GLIS3: variants seen among roughly 807,000 people sequenced by gnomAD.
The protein encoded by GLIS3 is GLIS family zinc finger 3.
A neutral mutation model predicts 78.6 loss-of-function variants in GLIS3; 53 were observed. The observed-to-expected ratio is 0.67, with a 90% CI of 0.54 to 0.85. The LOEUF (loss-of-function observed/expected upper bound fraction) is 0.85. Ranked by LOEUF, GLIS3 falls within the 40% of genes least tolerant of loss-of-function variation. The pLI is 0.00. For missense variants in GLIS3, 1,703 were observed against 1,231.1 expected, an observed-to-expected ratio of 1.38 and a Z score of -5.74; for synonymous variants, 684 against 509.9, an observed-to-expected ratio of 1.34 and a Z score of -4.60.
chr9:4,159,391 G>A (rs1229066200), intron 2 of GLIS3, among the ~76,000 whole-genome samples: 2 of 152,178 alleles, frequency 1.3e-5, no homozygotes, highest in South Asian at 2.1e-4. Context: ...CTCAATGCTG[G>A]AGAAGGTACT....
chr9:4,172,950 G>C (rs1200278941), intron 2 of GLIS3, among the ~76,000 whole-genome samples: 1 of 152,274 alleles, frequency 6.6e-6, no homozygotes, highest in Admixed American at 6.5e-5. Context: ...GATTTTCCGA[G>C]AAAAGCCAAA....
intron 4 of GLIS3, among the ~76,000 whole-genome samples, chr9:4,025,409 G>A (rs1284121580): frequency 1.3e-5 from 2 of 152,056 alleles, no homozygotes; most frequent in East Asian, 3.9e-4. Context: ...TGTTTTTTGA[G>A]ACTGAGTCTC....
chr9:4,154,113 G>A (rs1445861047), intron 2 of GLIS3, among the ~76,000 whole-genome samples: 1 of 152,224 alleles, frequency 6.6e-6, no homozygotes, highest in Non-Finnish European at 1.5e-5. Context: ...ATGGTGGCTG[G>A]TTTCCGAGAG....
chr9:4,211,537 T>C (rs1171164477), intron 2 of GLIS3, among the ~76,000 whole-genome samples: 1 of 152,238 alleles, frequency 6.6e-6, no homozygotes, highest in Non-Finnish European at 1.5e-5. Flanking sequence ...TGGTTAAAGT[T>C]AGCCCTGAAG....
At chr9:4,249,951 G>A (rs1370603783) in intron 2 of GLIS3, among the ~76,000 whole-genome samples, 3 of 152,212 alleles carry the variant, frequency 2.0e-5, no homozygotes, top group Non-Finnish European at 2.9e-5. Flanking sequence ...AACCAGCCTT[G>A]TATCCTAGGG....
chr9:4,059,183 G>C (rs1046399903), intron 4 of GLIS3, among the ~76,000 whole-genome samples: 3 of 152,144 alleles, frequency 2.0e-5, no homozygotes, highest in Non-Finnish European at 2.9e-5. Flanking sequence ...GGCAAGTCTT[G>C]AGATCTGAGC....
At chr9:4,233,011 C>G (rs1003678755) in intron 2 of GLIS3, among the ~76,000 whole-genome samples, 5 of 152,178 alleles carry the variant, frequency 3.3e-5, no homozygotes, top group African/African-American at 4.8e-5. Context: ...CTTCCAAGAC[C>G]ATTACTACCA....
At chr9:4,236,906 C>G (rs1289845945) in intron 2 of GLIS3, among the ~76,000 whole-genome samples, 2 of 152,106 alleles carry the variant, frequency 1.3e-5, no homozygotes, top group African/African-American at 4.8e-5. Flanking sequence ...CATAACAATT[C>G]ATTAAAAATA....
intron 2 of GLIS3, among the ~76,000 whole-genome samples, chr9:4,198,198 G>C (rs1163463398): frequency 6.6e-6 from 1 of 152,126 alleles, no homozygotes; most frequent in Non-Finnish European, 1.5e-5. Context: ...TCAAAGCATG[G>C]ATTGCAAGCA....
chr9:4,109,780 A>C (rs1427348244), intron 4 of GLIS3, among the ~76,000 whole-genome samples: 1 of 152,140 alleles, frequency 6.6e-6, no homozygotes, highest in Non-Finnish European at 1.5e-5. Context: ...TTGGACCATC[A>C]AACTACTTGA....
At chr9:4,328,682 T>C (rs1015711399) in intron 2 of GLIS3, among the ~76,000 whole-genome samples, 7 of 152,246 alleles carry the variant, frequency 4.6e-5, no homozygotes, top group African/African-American at 1.7e-4. Flanking sequence ...TCTGCCTCTC[T>C]ATAGCTTGTG....
intron 4 of GLIS3, among the ~76,000 whole-genome samples, chr9:3,945,027 T>G (rs1198035127): frequency 6.6e-6 from 1 of 152,180 alleles, no homozygotes; most frequent in East Asian, 1.9e-4. Context: ...CTCACTCCTG[T>G]GACAATTAGC....
intron 8 of GLIS3, among the ~76,000 whole-genome samples, chr9:3,865,706 C>T (rs1297139404): frequency 2.0e-5 from 3 of 152,166 alleles, no homozygotes. Flanking sequence ...ACTAAGAAGA[C>T]ATCATCTTGG....
the GLIS3 span, among the ~76,000 whole-genome samples, chr9:4,478,677 C>A: frequency 6.6e-6 from 1 of 151,656 alleles, no homozygotes; most frequent in Non-Finnish European, 1.5e-5. Context: ...GAAAACCAAC[C>A]AAGGGAAAGA....
At chr9:4,283,594 G>C (rs1222375749) in intron 2 of GLIS3, among the ~76,000 whole-genome samples, 2 of 152,112 alleles carry the variant, frequency 1.3e-5, no homozygotes, top group Admixed American at 1.3e-4. Flanking sequence ...CTGCCCACTT[G>C]TTTGTATGAA....
chr9:4,361,413 A>C, the GLIS3 span, among the ~76,000 whole-genome samples: 1 of 152,216 alleles, frequency 6.6e-6, no homozygotes, highest in Non-Finnish European at 1.5e-5. Flanking sequence ...TTACTCCCCT[A>C]AAGATGCTGT....
At position 4,118,009 on chromosome 9, in the gene GLIS3, T is replaced by C. The variant is rs371985224; in HGVS notation, c.1469A>G (p.Asp490Gly). ...GCCCCCGATGCCGTCCATCTCCCCG[T>C]CGTCGTCCAGGGTGGCCTGGGGCAA... ...LALPQATLDD[D>G]GEMDGIGGKH... The change falls in exon 4 of 11, where the codon GAC becomes GGC. Residue 490 changes from aspartate to glycine, a missense_variant. By Grantham distance (94) the Asp-to-Gly change is moderately conservative. Coordinates refer to ENST00000381971, the MANE Select transcript of GLIS3 (RefSeq NM_001042413.2). This position sits in a 1 kb window ranked among gnomAD's most constrained non-coding sequence, Gnocchi z 4.7. 5.6e-6 allele frequency: 9 copies of C among 1,607,618 alleles called. No homozygotes were observed. The African/African-American group carries it at 1.2e-4, about 22-fold the overall frequency.
chr9:4,274,750 T>G (rs1826832015), intron 2 of GLIS3, among the ~76,000 whole-genome samples: 1 of 152,144 alleles, frequency 6.6e-6, no homozygotes, highest in African/African-American at 2.4e-5. Flanking sequence ...CAGTGACTGC[T>G]CACACATCCA....
intron 2 of GLIS3, among the ~76,000 whole-genome samples, chr9:4,196,118 T>A (rs1055725458): frequency 2.0e-5 from 3 of 152,168 alleles, no homozygotes; most frequent in African/African-American, 4.8e-5. Context: ...CACTAATCAG[T>A]GCTCTGTGTC....
Sources: allele counts gnomAD v4.1 joint callset (sites outside exome capture counted in the v4.1 genomes callset), GRCh38; gene constraint gnomAD v4.1.1; non-coding constraint Gnocchi (gnomAD v3.1); transcripts MANE v1.5; gene names NCBI Gene and HGNC (gene_info 2026-07-23, HGNC 2026-07-21).